CSMD1: variants seen among roughly 807,000 people sequenced by gnomAD.
CSMD1 encodes the protein CUB and sushi domain-containing protein 1.
CSMD1 carries 213 observed loss-of-function variants against 417.5 expected under a neutral mutation model. The observed-to-expected ratio is 0.51, with a 90% confidence interval of 0.46 to 0.57. The LOEUF is 0.57. CSMD1 is among the 20% of genes least tolerant of loss of function. The probability of loss-of-function intolerance (pLI) is 0.00; values close to 1 mark genes in which losing one functional copy is unlikely to be tolerated. For synonymous variants in CSMD1, 2,862 were observed against 1,736.8 expected, an observed-to-expected ratio of 1.65 and a Z score of -16.11; for missense variants, 6,923 against 4,529.7, an observed-to-expected ratio of 1.53 and a Z score of -15.17.
chr8:3,400,430 G>T lies in CSMD1; in HGVS notation c.2267-901C>A, dbSNP rs183111768. On this transcript the variant is annotated intron_variant, in intron 15 of 69. Transcript: ENST00000635120. ...ATGGCCATATGTATAATGTAAAAAT[G>T]CAAAAAGTTTATATCATTTTAGCCA... is the stretch of plus-strand genomic sequence containing the variant. 4.6e-4 allele frequency among the ~76,000 whole-genome samples: 70 copies of T among 152,066 alleles called. 1 individual carries two copies. Among genetic ancestry groups the T allele is most frequent in the African/African-American group, 1.6e-3 (67 of 41,524 alleles).
At chr8:4,213,586 A>T (rs995897845) in intron 3 of CSMD1, among the ~76,000 whole-genome samples, 1 of 152,250 alleles carries the variant, frequency 6.6e-6, no homozygotes, top group Non-Finnish European at 1.5e-5. Context: ...TTGCAACGTG[A>T]AAGAAAAATC....
chr8:4,228,818 G>A lies in CSMD1; in HGVS notation c.415+191135C>T, dbSNP rs539399039. Reference sequence around the variant, plus strand: ...CCTGCTTCTGCATCCCAAGTAGCTGGGACTTCATGTGCACCACTGTGCCCA... The same window carrying A: ...CCTGCTTCTGCATCCCAAGTAGCTGAGACTTCATGTGCACCACTGTGCCCA... On this transcript the variant is annotated intron_variant, in intron 3 of 69. Coordinates refer to ENST00000635120, the MANE Select transcript of CSMD1 (RefSeq NM_033225.6). Among the ~76,000 whole-genome samples the A allele has an allele frequency of 1.2e-4, 18 of 151,976 alleles. No individual in the cohort carries two copies. In the East Asian group the frequency reaches 3.5e-3, roughly 30 times the overall value.
At chr8:4,310,232 T>C (rs1162185867) in intron 3 of CSMD1, among the ~76,000 whole-genome samples, 2 of 152,176 alleles carry the variant, frequency 1.3e-5, no homozygotes, top group African/African-American at 2.4e-5. Context: ...GAATTAGCAA[T>C]TAACTTATCA....
At chr8:3,313,973 A>C (rs1156456429) in intron 23 of CSMD1, among the ~76,000 whole-genome samples, 1 of 152,174 alleles carries the variant, frequency 6.6e-6, no homozygotes, top group Non-Finnish European at 1.5e-5. Flanking sequence ...CTTTGTAGGG[A>C]CATGGATGAA....
At chr8:3,893,971 C>T (rs1427927659) in intron 5 of CSMD1, among the ~76,000 whole-genome samples, 1 of 152,066 alleles carries the variant, frequency 6.6e-6, no homozygotes, top group African/African-American at 2.4e-5. Flanking sequence ...AACTTGCTTA[C>T]TGGCAACACC....
chr8:4,070,792 A>G (rs533724004), intron 3 of CSMD1, among the ~76,000 whole-genome samples: 25 of 152,260 alleles, frequency 1.6e-4, no homozygotes, highest in African/African-American at 5.3e-4. Context: ...AAGCTGTCAT[A>G]GCTTCCTCTG....
intron 1 of CSMD1, among the ~76,000 whole-genome samples, chr8:4,688,584 T>A (rs1166094472): frequency 6.6e-6 from 1 of 152,100 alleles, no homozygotes; most frequent in Non-Finnish European, 1.5e-5. Flanking sequence ...AGTCAGAGAG[T>A]GAACACTCCC....
intron 10 of CSMD1, among the ~76,000 whole-genome samples, chr8:3,519,616 T>C (rs1423236783): frequency 6.6e-6 from 1 of 152,180 alleles, no homozygotes; most frequent in Non-Finnish European, 1.5e-5. Flanking sequence ...TGAGGCAATG[T>C]GCCACTCAGC....
chr8:4,145,517 T>C (rs1307152717), intron 3 of CSMD1, among the ~76,000 whole-genome samples: 1 of 151,056 alleles, frequency 6.6e-6, no homozygotes, highest in Non-Finnish European at 1.5e-5. Context: ...TCAAACATTG[T>C]CATCTTGAAT....
Position 3,187,948 on chromosome 8 carries a change from A to C in CSMD1, c.5541T>G (p.Phe1847Leu). ...GSGIQIQVIS[F>L]ATEQNWDSLE... ...GGGAGTCCCAGTTCTGCTCCGTGGCAAAACTGATCACTTGGATCTACCAAA... is the reference window on the plus strand; with the variant it reads ...GGGAGTCCCAGTTCTGCTCCGTGGCCAAACTGATCACTTGGATCTACCAAA... Residue 1847 changes from phenylalanine to leucine, a missense_variant, in exon 36 of 70, where the codon TTT becomes TTG. By Grantham distance (22) the Phe-to-Leu change is conservative. Transcript: ENST00000635120. 1 of 1,613,074 alleles carries C rather than the reference A, an allele frequency of 6.2e-7. No individual in the cohort carries two copies. The highest frequency in any genetic ancestry group is 8.5e-7 in the Non-Finnish European group (1 of 1,179,590).
At chr8:3,229,627 T>C (rs756708096) in intron 27 of CSMD1, among the ~76,000 whole-genome samples, 7 of 152,132 alleles carry the variant, frequency 4.6e-5, no homozygotes, top group Non-Finnish European at 8.8e-5. Context: ...ACTAATATCA[T>C]AGGGGGAAAA....
chr8:3,400,590 T>G (rs958760697), intron 15 of CSMD1, among the ~76,000 whole-genome samples: 3 of 151,990 alleles, frequency 2.0e-5, no homozygotes, highest in African/African-American at 7.2e-5. Flanking sequence ...TATATTGGAA[T>G]GTGGCAAATA....
At chr8:3,614,457 C>T (rs1802040817) in intron 8 of CSMD1, among the ~76,000 whole-genome samples, 1 of 152,234 alleles carries the variant, frequency 6.6e-6, no homozygotes, top group East Asian at 1.9e-4. Flanking sequence ...TAAAGATTGG[C>T]TTACTCACCT....
At chr8:4,041,100 TC>T (rs1204460755) in intron 3 of CSMD1, among the ~76,000 whole-genome samples, 96 of 142,662 alleles carry the variant, frequency 6.7e-4, no homozygotes, top group African/African-American at 2.4e-3. Context: ...CACTGCAAGC[TC>T]CGCCTCCCGG....
intron 3 of CSMD1, among the ~76,000 whole-genome samples, chr8:4,353,214 T>A (rs1275116643): frequency 6.6e-6 from 1 of 151,884 alleles, no homozygotes; most frequent in African/African-American, 2.4e-5. Flanking sequence ...TGGAGACAAG[T>A]GAATCATGAC....
intron 2 of CSMD1, among the ~76,000 whole-genome samples, chr8:4,482,710 C>T (rs1411833671): frequency 6.6e-6 from 1 of 152,148 alleles, no homozygotes; most frequent in Non-Finnish European, 1.5e-5. Context: ...ACACTCCCAC[C>T]AACAGTGTAA....
At chr8:4,914,102 A>G (rs1212074495) in intron 1 of CSMD1, among the ~76,000 whole-genome samples, 1 of 152,196 alleles carries the variant, frequency 6.6e-6, no homozygotes, top group Non-Finnish European at 1.5e-5. Flanking sequence ...ACATTTATGG[A>G]TGATTGATTT....
At chr8:3,339,167 A>C (rs1326903971) in intron 23 of CSMD1, among the ~76,000 whole-genome samples, 5 of 151,938 alleles carry the variant, frequency 3.3e-5, no homozygotes, top group Non-Finnish European at 5.9e-5. Context: ...ACATGAACTC[A>C]TCATTTTTTA....
intron 2 of CSMD1, among the ~76,000 whole-genome samples, chr8:4,586,982 G>T (rs77707387): frequency 6.6e-6 from 1 of 152,136 alleles, no homozygotes; most frequent in Admixed American, 6.5e-5. Context: ...ATATAAGAGC[G>T]CCTAAAAAGT....
Sources: gnomAD v4.1 joint callset for allele counts (sites outside exome capture counted in the v4.1 genomes callset) on GRCh38, gnomAD v4.1.1 for gene constraint, MANE v1.5 for transcripts, NCBI Gene and HGNC (gene_info 2026-07-23, HGNC 2026-07-21) for gene names.